ROBO1: variants seen among roughly 807,000 people sequenced by gnomAD.
The protein encoded by ROBO1 is roundabout homolog 1.
ROBO1 carries 149 observed loss-of-function variants against 195.9 expected under a neutral mutation model. That is an observed-to-expected ratio of 0.76 (90% CI 0.67 to 0.87). The LOEUF is 0.87. ROBO1 is among the 40% of genes least tolerant of loss of function. The pLI, the probability that ROBO1 is intolerant of heterozygous loss-of-function variation, is 0.00. For missense variants in ROBO1, 1,933 were observed against 2,068.3 expected, an observed-to-expected ratio of 0.93 and a Z score of 1.27; for synonymous variants, 816 against 733.2, an observed-to-expected ratio of 1.11 and a Z score of -1.82.
At chr3:78,813,465 G>T (rs2084806107) in intron 4 of ROBO1, among the ~76,000 whole-genome samples, 4 of 152,000 alleles carry the variant, frequency 2.6e-5, no homozygotes, top group Admixed American at 2.0e-4. Flanking sequence ...GACCAAAAAA[G>T]AATTTTTACA....
intron 1 of ROBO1, among the ~76,000 whole-genome samples, chr3:79,628,419 T>A (rs1464762105): frequency 6.6e-6 from 1 of 151,584 alleles, no homozygotes; most frequent in Non-Finnish European, 1.5e-5. Flanking sequence ...CACTCATAAG[T>A]GGAAGTTGAA....
At chr3:79,304,396 G>A (rs1323657492) in intron 2 of ROBO1, among the ~76,000 whole-genome samples, 2 of 152,026 alleles carry the variant, frequency 1.3e-5, no homozygotes, top group Admixed American at 6.6e-5. Context: ...AATAGACTGC[G>A]GCTATTTAAA....
At chr3:79,043,076 T>C (rs2108339118) in intron 3 of ROBO1, among the ~76,000 whole-genome samples, 1 of 152,234 alleles carries the variant, frequency 6.6e-6, no homozygotes, top group African/African-American at 2.4e-5. Flanking sequence ...TCCAAAAAAT[T>C]ACACTAATTT....
intron 4 of ROBO1, among the ~76,000 whole-genome samples, chr3:78,904,691 C>CATATGTATATATGTATATATATATGT (rs1206459186): frequency 3.4e-5 from 5 of 147,924 alleles, no homozygotes; most frequent in Admixed American, 6.7e-5. Flanking sequence ...TATACGTATA[C>CATATGTATATATGTATATATATATGT]ATATGTATAT....
intron 2 of ROBO1, among the ~76,000 whole-genome samples, chr3:79,426,585 C>T (rs541860504): frequency 2.1e-4 from 32 of 152,238 alleles, no homozygotes; most frequent in Admixed American, 5.2e-4. Context: ...CCAGGCTGGT[C>T]TTGAACTCCT....
At chr3:79,489,666 AAAAG>A (rs1168816500) in intron 2 of ROBO1, among the ~76,000 whole-genome samples, 9 of 151,600 alleles carry the variant, frequency 5.9e-5, no homozygotes, top group African/African-American at 1.5e-4. Flanking sequence ...AAAAAAAAAA[AAAAG>A]AAAGAAAGAA....
chr3:79,693,159 TAA>T (rs1560106030), intron 1 of ROBO1, among the ~76,000 whole-genome samples: 1 of 151,774 alleles, frequency 6.6e-6, no homozygotes, highest in Non-Finnish European at 1.5e-5. Context: ...AAGAAAATGA[TAA>T]GTGTACGAGA....
chr3:79,275,147 C>T (rs2030920869), intron 2 of ROBO1, among the ~76,000 whole-genome samples: 1 of 151,994 alleles, frequency 6.6e-6, no homozygotes, highest in African/African-American at 2.4e-5. Context: ...CAGTATTACT[C>T]TAATGCCAAA....
intron 2 of ROBO1, among the ~76,000 whole-genome samples, chr3:79,282,615 T>G (rs1314570867): frequency 6.6e-6 from 1 of 152,194 alleles, no homozygotes; most frequent in Non-Finnish European, 1.5e-5. Flanking sequence ...GAGTCCCAGA[T>G]TTTTGGCTTG....
chr3:79,691,148 C>T (rs1560104552), intron 1 of ROBO1, among the ~76,000 whole-genome samples: 1 of 151,796 alleles, frequency 6.6e-6, no homozygotes, highest in Non-Finnish European at 1.5e-5. Context: ...TATTTTATAA[C>T]ATTTTTGCAT....
At chr3:79,471,472 T>TA (rs1225385601) in intron 2 of ROBO1, among the ~76,000 whole-genome samples, 2 of 152,180 alleles carry the variant, frequency 1.3e-5, no homozygotes, top group East Asian at 3.8e-4. Context: ...TTTAATAAAC[T>TA]AAAAAAGATA....
At chr3:79,279,528 A>C (rs1576914944) in intron 2 of ROBO1, among the ~76,000 whole-genome samples, 1 of 152,302 alleles carries the variant, frequency 6.6e-6, no homozygotes, top group East Asian at 1.9e-4. Context: ...GGGTAAGTAA[A>C]CTAATACAGC....
intron 2 of ROBO1, among the ~76,000 whole-genome samples, chr3:79,397,049 T>A (rs949643288): frequency 2.6e-5 from 4 of 152,048 alleles, no homozygotes; most frequent in Admixed American, 1.3e-4. Context: ...TTGAAAATAT[T>A]CCCTGGATAC....
rs1439522839 is a variant in ROBO1 at position 78,668,224 on chromosome 3, G to A, written c.1709C>T (p.Thr570Ile). Residue 570 changes from threonine to isoleucine, a missense_variant, in exon 13 of 31, where the codon ACA becomes ATA. By Grantham distance (89) the Thr-to-Ile change is moderately conservative. Coordinates refer to ENST00000464233, the MANE Select transcript of ROBO1 (RefSeq NM_002941.4). ...TGTGACTGTATTTCTGCTGACATCT[G>A]TCACTTCAGGTTTTGATGGGGCACT... The part of the protein sequence containing the change: ...IPSAPSKPEV[T>I]DVSRNTVTLS... The A allele has an allele frequency of 3.7e-6, 6 of 1,613,418 alleles. No homozygotes were observed. Among genetic ancestry groups the A allele is most frequent in the Non-Finnish European group, 5.1e-6 (6 of 1,179,500 alleles).
intron 4 of ROBO1, among the ~76,000 whole-genome samples, chr3:78,824,790 C>T (rs1325363964): frequency 2.6e-5 from 4 of 152,052 alleles, no homozygotes; most frequent in Admixed American, 6.5e-5. Context: ...ATAATGGTTG[C>T]ATGCACATAG....
chr3:79,152,094 T>TA (rs1374085208), intron 2 of ROBO1, among the ~76,000 whole-genome samples: 1 of 151,772 alleles, frequency 6.6e-6, no homozygotes, highest in Admixed American at 6.6e-5. Context: ...ACCTCATCAT[T>TA]AAAAAAATTC....
intron 1 of ROBO1, among the ~76,000 whole-genome samples, chr3:79,701,974 T>C (rs1387781308): frequency 2.0e-5 from 3 of 151,908 alleles, no homozygotes; most frequent in East Asian, 3.9e-4. Context: ...AAGTAGACTA[T>C]ATATCTAAAC....
chr3:79,142,152 T>C (rs1310582303), intron 2 of ROBO1, among the ~76,000 whole-genome samples: 2 of 152,196 alleles, frequency 1.3e-5, no homozygotes, highest in South Asian at 4.1e-4. Flanking sequence ...TTTGTGTGCA[T>C]GCAGAAGGAG....
intron 3 of ROBO1, among the ~76,000 whole-genome samples, chr3:78,971,477 A>C (rs984866038): frequency 2.0e-5 from 3 of 152,112 alleles, no homozygotes; most frequent in Admixed American, 2.0e-4. Flanking sequence ...CATTCACCAG[A>C]CTATAACCTA....
Sources: allele counts gnomAD v4.1 joint callset (sites outside exome capture counted in the v4.1 genomes callset), GRCh38; gene constraint gnomAD v4.1.1; transcripts MANE v1.5; gene names NCBI Gene and HGNC (gene_info 2026-07-23, HGNC 2026-07-21).